Variants in DNAH9 observed in about 807,000 individuals in gnomAD.
DNAH9 encodes DNAH9 variant protein.
DNAH9 carries 345 observed loss-of-function variants against 471.6 expected under a neutral mutation model. That is an observed-to-expected ratio of 0.73 (90% confidence interval 0.67 to 0.80). DNAH9 has a LOEUF of 0.80. Among genes scored for constraint, DNAH9 ranks in the 30% least tolerant of loss-of-function variants. The probability of loss-of-function intolerance (pLI) is 0.00; values close to 1 mark genes in which losing one functional copy is unlikely to be tolerated. For missense variants in DNAH9, 5,407 were observed against 5,609.2 expected (o/e 0.96, Z 1.15); for synonymous variants, 2,093 against 2,123.6 (o/e 0.99, Z 0.40).
intron 26 of DNAH9, among the ~76,000 whole-genome samples, chr17:11,712,091 TA>T (rs1225266484): frequency 8.9e-4 from 1 of 1,126 alleles, no homozygotes; most frequent in Admixed American, 0.036. Flanking sequence ...TATTTGTATA[TA>T]TATTTATATA....
chr17:11,780,439 G>A (rs748485003), intron 38 of DNAH9, among the ~76,000 whole-genome samples: 108 of 152,298 alleles, frequency 7.1e-4, no homozygotes, highest in Non-Finnish European at 1.3e-3. Context: ...GAAGGGGAGC[G>A]GCAGCCTTTA....
chr17:11,784,242 C>T (rs748320008), intron 40 of DNAH9, 58 bp from the exon 41 acceptor site: 67 of 1,597,616 alleles, frequency 4.2e-5, no homozygotes, highest in Non-Finnish European at 5.6e-5. Context: ...AATTCAGAAG[C>T]GGTGATTTCT....
At chr17:11,943,116 C>T (rs1398087696) in intron 67 of DNAH9, among the ~76,000 whole-genome samples, 1 of 151,610 alleles carries the variant, frequency 6.6e-6, no homozygotes, top group Non-Finnish European at 1.5e-5. Context: ...GGATGGTCTC[C>T]ATCTCCTGAC....
intron 45 of DNAH9, among the ~76,000 whole-genome samples, chr17:11,810,662 G>A (rs1452288167): frequency 1.3e-5 from 2 of 152,222 alleles, no homozygotes; most frequent in African/African-American, 4.8e-5. Context: ...GTGATGTGCT[G>A]TGGAGAGAAG....
In DNAH9 at chr17:11,745,023, C is replaced by T; in HGVS notation, c.6338C>T (p.Ala2113Val). Reference sequence around the variant, plus strand: ...CGGAGGAGAGACCCCAACTTCGAAGCTTTGGTTAGGAAGGCGATAGTGGAT... The same window carrying T: ...CGGAGGAGAGACCCCAACTTCGAAGTTTTGGTTAGGAAGGCGATAGTGGAT... ...VPRRRDPNFE[A>V]LVRKAIVDLK... is the part of the protein sequence containing the mutation. Residue 2113 changes from alanine (A) to valine (V), a missense_variant, in exon 31 of 69, where the codon GCT becomes GTT. This residue lies in a region of DNAH9 where 4,636 missense variants were observed against 4,900.3 expected (regional missense o/e 0.95). Transcript: ENST00000262442. 1 of 1,614,158 alleles carries T rather than the reference C, an allele frequency of 6.2e-7. No individual in the cohort carries two copies. Among genetic ancestry groups the T allele is most frequent in the Non-Finnish European group, 8.5e-7 (1 of 1,179,994 alleles).
chr17:11,617,703 C>T, intron 5 of DNAH9, 81 bp downstream of exon 5: 1 of 992,522 alleles, frequency 1.0e-6, no homozygotes, highest in Non-Finnish European at 1.6e-6. Flanking sequence ...GACAAGTGTC[C>T]TTTTTTCTGG....
rs771780422 is a variant in DNAH9 at position 11,644,673 on chromosome 17, T to C, written c.1944T>C (p.Tyr648=). The C allele has an allele frequency of 1.9e-6, 3 of 1,613,076 alleles. No individual in the cohort carries two copies. Among genetic ancestry groups the C allele is most frequent in the African/African-American group, 1.3e-5 (1 of 74,906 alleles). The change falls in exon 11 of 69, where the codon TAT becomes TAC. Residue 648 remains tyrosine (Y), a synonymous_variant. Coordinates refer to ENST00000262442, the MANE Select transcript of DNAH9 (RefSeq NM_001372.4). ...SAEGKRMQQK[Y]EDMLSLLEKY... ...AAGGAAAGCGAATGCAACAAAAATA[T>C]GAAGATATGCTGTCATTGCTAGAAA...
intron 64 of DNAH9, among the ~76,000 whole-genome samples, chr17:11,933,572 G>T (rs1448481499): frequency 1.3e-5 from 2 of 151,898 alleles, no homozygotes; most frequent in African/African-American, 4.8e-5. Context: ...TAGCGATGGG[G>T]TTTCTCCATG....
intron 6 of DNAH9, among the ~76,000 whole-genome samples, chr17:11,625,531 A>G (rs931880066): frequency 6.6e-6 from 1 of 152,218 alleles, no homozygotes; most frequent in Non-Finnish European, 1.5e-5. Flanking sequence ...ATTTTCATCT[A>G]TGAACATCTG....
Position 11,797,601 on chromosome 17 carries a change from T to C in DNAH9, c.8228T>C (p.Ile2743Thr), listed in dbSNP as rs1355788115. ...TEVLKKTFDD[I>T]EDPVEQTQSP... ...ATTCCTGTGTCTCATCACCAGGATA[T>C]TGAAGACCCTGTGGAGCAGACCCAA... Residue 2743 changes from isoleucine to threonine, a missense_variant, in exon 43 of 69, where the codon ATT becomes ACT. Physicochemically the swap from Ile to Thr is moderately conservative, Grantham distance 89. This residue lies in a region of DNAH9 where 4,636 missense variants were observed against 4,900.3 expected (regional missense o/e 0.95). Coordinates refer to ENST00000262442, the MANE Select transcript of DNAH9 (RefSeq NM_001372.4). The C allele has an allele frequency of 1.2e-6, 2 of 1,611,384 alleles. No homozygotes were observed. The highest frequency in any genetic ancestry group is 2.2e-5 in the East Asian group (1 of 44,848).
chr17:11,792,142 C>T (rs1489386957), intron 41 of DNAH9, among the ~76,000 whole-genome samples: 8 of 151,818 alleles, frequency 5.3e-5, no homozygotes, highest in Admixed American at 2.0e-4. Flanking sequence ...GGCATGGTGG[C>T]GCATGCCTGC....
At chr17:11,672,986 GTTCCCTCCCA>G (rs1236080496) in intron 17 of DNAH9, among the ~76,000 whole-genome samples, 1 of 152,050 alleles carries the variant, frequency 6.6e-6, no homozygotes, top group South Asian at 2.1e-4. Context: ...CTTGGTCCCT[GTTCCCTCCCA>G]TTCCCTCCCA....
intron 45 of DNAH9, among the ~76,000 whole-genome samples, chr17:11,816,015 C>T (rs1013557830): frequency 2.6e-5 from 4 of 151,992 alleles, no homozygotes; most frequent in Non-Finnish European, 4.4e-5. Flanking sequence ...ACCTCATGCC[C>T]TTCTTTGTCT....
At chr17:11,931,018 G>A (rs1262142520) in intron 63 of DNAH9, among the ~76,000 whole-genome samples, 1 of 152,228 alleles carries the variant, frequency 6.6e-6, no homozygotes, top group African/African-American at 2.4e-5. Context: ...GGCCAACTTT[G>A]TATATGAAGT....
intron 65 of DNAH9, 123 bp downstream of exon 65, chr17:11,934,194 G>GGCAA (rs987052367): frequency 1.9e-6 from 2 of 1,064,342 alleles, no homozygotes; most frequent in African/African-American, 3.2e-5. Context: ...GCTGCAGGCA[G>GGCAA]GGGCTGAGGC....
intron 65 of DNAH9, among the ~76,000 whole-genome samples, chr17:11,935,179 C>A (rs969166320): frequency 6.6e-6 from 1 of 151,516 alleles, no homozygotes; most frequent in East Asian, 2.0e-4. Flanking sequence ...CGAAGCTGGT[C>A]TCGAACTCCT....
intron 61 of DNAH9, 129 bp from the exon 62 acceptor site, chr17:11,923,685 A>C: frequency 9.0e-7 from 1 of 1,113,502 alleles, no homozygotes; most frequent in Non-Finnish European, 1.3e-6. Context: ...TCAGTATATG[A>C]GGTTTCGGTT....
intron 27 of DNAH9, among the ~76,000 whole-genome samples, chr17:11,726,026 T>G (rs1459501618): frequency 6.6e-6 from 1 of 152,212 alleles, no homozygotes; most frequent in African/African-American, 2.4e-5. Context: ...ACCATGACTT[T>G]ATTTAGTAAT....
intron 42 of DNAH9, 114 bp from the exon 43 acceptor site, chr17:11,797,483 A>G: frequency 2.6e-6 from 2 of 776,686 alleles, no homozygotes; most frequent in South Asian, 1.9e-5. Flanking sequence ...TGTTGGAAGT[A>G]GCACTGATGC....
Sources: allele counts gnomAD v4.1 joint callset (sites outside exome capture counted in the v4.1 genomes callset), GRCh38; gene constraint gnomAD v4.1.1; regional missense constraint gnomAD v4.1.1; transcripts MANE v1.5; gene names NCBI Gene and HGNC (gene_info 2026-07-23, HGNC 2026-07-21).